AIFM1: variants seen among roughly 807,000 people sequenced by gnomAD.
The protein encoded by AIFM1 is apoptosis inducing factor mitochondria associated 1, also known as apoptosis-inducing factor 1, mitochondrial.
Under a neutral mutation model 51.7 loss-of-function variants are expected in AIFM1, and 3 were observed. The ratio of observed to expected loss-of-function variants is 0.06; its 90% CI spans 0.03 to 0.15. The LOEUF (loss-of-function observed/expected upper bound fraction) is 0.15. Among genes scored for constraint, AIFM1 ranks in the 10% least tolerant of loss-of-function variants. AIFM1 has a pLI of 1.00. For synonymous variants in AIFM1, 178 were observed against 179.4 expected, an observed-to-expected ratio of 0.99 and a Z score of 0.06; for missense variants, 330 against 476.8, an observed-to-expected ratio of 0.69 and a Z score of 2.87.
intron 12 of AIFM1, among the ~76,000 whole-genome samples, chrX:130,135,439 T>TA (rs1556260137): frequency 0.5 from 36,406 of 72,904 alleles, 8,235 homozygotes; most frequent in East Asian, 0.82. Context: ...TTTTTTTTTT[T>TA]AAAAAAAAAA....
At chrX:130,142,375 C>T (rs1336315208) in intron 6 of AIFM1, among the ~76,000 whole-genome samples, 4 of 111,218 alleles carry the variant, frequency 3.6e-5, no homozygotes, top group Non-Finnish European at 7.5e-5. Flanking sequence ...TCAACCCTCA[C>T]GGTGTTCGCT....
At chrX:130,135,247 C>T (rs185252943) in intron 12 of AIFM1, among the ~76,000 whole-genome samples, 2 of 108,700 alleles carry the variant, frequency 1.8e-5, no homozygotes, top group African/African-American at 6.7e-5. Flanking sequence ...CCACCACACC[C>T]GGCTAATTTT....
chrX:130,157,345 G>A lies in AIFM1; in HGVS notation c.107-742C>T, dbSNP rs189164752. Among the ~76,000 whole-genome samples, 196 of 112,368 alleles carry A rather than the reference G, an allele frequency of 1.7e-3. 1 individual carries two copies. The highest frequency in any genetic ancestry group is 6.2e-3 in the African/African-American group (192 of 30,954). On this transcript the variant is annotated intron_variant, in intron 1 of 15. Coordinates refer to ENST00000287295, the MANE Select transcript of AIFM1 (RefSeq NM_004208.4). ...TACATAGAAATATAAGAGTTCTGTA[G>A]ATTTCTTTTTCTAGGGAGACGCTGA...
chrX:130,157,448 G>C (rs915786098), intron 1 of AIFM1, among the ~76,000 whole-genome samples: 1 of 111,699 alleles, frequency 9.0e-6, no homozygotes, highest in South Asian at 3.7e-4. Flanking sequence ...TCAACCTAGA[G>C]CAGCAAATTT....
rs587780847 is a variant in AIFM1, at chrX:130,137,543, G to A, written c.968-358C>T. 3.0e-4 allele frequency: 350 copies of A among 1,163,476 alleles called. 2 individuals carry two copies. Among genetic ancestry groups the A allele is most frequent in the Middle Eastern group, 2.5e-3 (11 of 4,319 alleles). On this transcript the variant is annotated intron_variant, in intron 9 of 15. Coordinates refer to ENST00000287295, the MANE Select transcript of AIFM1 (RefSeq NM_004208.4). ...TCATATATCTGAAAAAGAACATTAA[G>A]AAAACTAGTTGCCATGAAACATTCC...
chrX:130,150,625 G>A (rs1307791626), intron 2 of AIFM1, among the ~76,000 whole-genome samples: 45 of 104,609 alleles, frequency 4.3e-4, no homozygotes, highest in Non-Finnish European at 7.6e-4. Context: ...GTGAGCCACC[G>A]CGCCCGGCCT....
chrX:130,155,329 G>C, intron 2 of AIFM1: 4 of 1,189,873 alleles, frequency 3.4e-6, no homozygotes, highest in Non-Finnish European at 4.6e-6. Context: ...AAAGGAAACA[G>C]AGTACTAAGT....
intron 14 of AIFM1, 130 bp downstream of exon 14, chrX:130,131,545 T>C: frequency 9.8e-7 from 1 of 1,020,983 alleles, no homozygotes; most frequent in African/African-American, 1.9e-5. Flanking sequence ...GTTTGGTTTC[T>C]TTTAAAGCAC....
intron 14 of AIFM1, among the ~76,000 whole-genome samples, chrX:130,130,652 G>C (rs1488706024): frequency 1.8e-5 from 2 of 112,779 alleles, no homozygotes; most frequent in African/African-American, 6.4e-5. Flanking sequence ...CATGTGGCTG[G>C]TGGCTAACGT....
chrX:130,154,603 A>G (rs1257788175), intron 2 of AIFM1, among the ~76,000 whole-genome samples: 1 of 112,268 alleles, frequency 8.9e-6, no homozygotes, highest in Non-Finnish European at 1.9e-5. Context: ...AAATGAATTT[A>G]CTTTGAAATA....
chrX:130,132,224 T>A (rs1488613725), intron 13 of AIFM1, among the ~76,000 whole-genome samples: 1 of 112,218 alleles, frequency 8.9e-6, no homozygotes, highest in African/African-American at 3.2e-5. Context: ...TCACGAGAGA[T>A]GCCAACTGAT....
intron 9 of AIFM1, chrX:130,137,485 T>G: frequency 3.4e-6 from 4 of 1,167,832 alleles, no homozygotes; most frequent in Non-Finnish European, 4.6e-6. Flanking sequence ...AACCTCTGAA[T>G]AGGAAGCATC....
chrX:130,140,005 CTTTG>C, intron 7 of AIFM1, 134 bp from the exon 8 acceptor site: 1 of 568,707 alleles, frequency 1.8e-6, no homozygotes. Context: ...GATACCAAGG[CTTTG>C]TTTGCCTTCA....
intron 7 of AIFM1, among the ~76,000 whole-genome samples, chrX:130,140,175 T>C (rs2124656659): frequency 8.9e-6 from 1 of 112,700 alleles, no homozygotes; most frequent in East Asian, 2.8e-4. Context: ...CCAGCTAGCA[T>C]AGCTACATGG....
Position 130,147,115 on chromosome X carries a change from T to C in AIFM1, c.605+378A>G, listed in dbSNP as rs773243153. On this transcript the variant is annotated intron_variant, in intron 5 of 15. Transcript: ENST00000287295. Reference sequence around the variant, plus strand: ...AGGTGGAGGTTGCAGTGAGCTGAGATTGCGCCACTGCACTCCAGCCTGGTG... The same window carrying C: ...AGGTGGAGGTTGCAGTGAGCTGAGACTGCGCCACTGCACTCCAGCCTGGTG... Among the ~76,000 whole-genome samples, 5 of 111,565 alleles carry C rather than the reference T, an allele frequency of 4.5e-5. No homozygotes were observed. The South Asian group carries it at 1.9e-3, about 42-fold the overall frequency.
intron 1 of AIFM1, among the ~76,000 whole-genome samples, chrX:130,162,604 G>A (rs2031388037): frequency 8.9e-6 from 1 of 112,262 alleles, no homozygotes; most frequent in Middle Eastern, 4.6e-3. Flanking sequence ...AGAAACAACG[G>A]GGGAAGACTC....
Position 130,149,684 on chromosome X carries a change from T to A in AIFM1, c.250-116A>T, listed in dbSNP as rs2030889799. ...TGTCTATCTGATGTTAGTTCCTCTA[T>A]GTCAAAACCACTAAGACAAAGTTGT... On this transcript the variant is annotated intron_variant, in intron 2 of 15. Transcript: ENST00000287295. The A allele has an allele frequency of 1.1e-5, 6 of 561,631 alleles. No homozygotes were observed. The Admixed American group carries it at 1.4e-4, about 13-fold the overall frequency. 46.3% of individuals were successfully genotyped at this position (561,631 alleles called of 1,213,427 possible).
At chrX:130,159,831 T>C (rs1010145990) in intron 1 of AIFM1, among the ~76,000 whole-genome samples, 3 of 108,943 alleles carry the variant, frequency 2.8e-5, no homozygotes, top group Admixed American at 2.0e-4. Context: ...AAATGGACTT[T>C]TTTTTTTTGA....
intron 2 of AIFM1, among the ~76,000 whole-genome samples, chrX:130,153,332 G>A (rs183940799): frequency 4.1e-4 from 35 of 85,514 alleles, no homozygotes; most frequent in East Asian, 4.0e-3. Flanking sequence ...CAGCCTGGGC[G>A]ACACAGAGAG....
Sources: allele counts gnomAD v4.1 joint callset (sites outside exome capture counted in the v4.1 genomes callset), GRCh38; gene constraint gnomAD v4.1.1; transcripts MANE v1.5; gene names NCBI Gene and HGNC (gene_info 2026-07-23, HGNC 2026-07-21).